NR4A3: variants seen among roughly 807,000 people sequenced by gnomAD.
The protein encoded by NR4A3 is nuclear receptor subfamily 4 group A member 3, also known as chondrosarcoma, extraskeletal myxoid, fused to EWS.
A neutral mutation model predicts 55.6 loss-of-function variants in NR4A3; 13 were observed. The observed-to-expected ratio is 0.23, with a 90% CI of 0.15 to 0.37. NR4A3 has a LOEUF of 0.37. Ranked by LOEUF, NR4A3 falls within the 10% of genes least tolerant of loss-of-function variation. NR4A3 has a pLI of 1.00. For synonymous variants in NR4A3, 342 were observed against 357.9 expected (o/e 0.96, Z 0.50); for missense variants, 646 against 822.8 (o/e 0.79, Z 2.63).
intron 2 of NR4A3, among the ~76,000 whole-genome samples, chr9:99,827,463 T>C (rs1526267): frequency 0.75 from 113,676 of 152,024 alleles, 43,398 homozygotes; most frequent in African/African-American, 0.85. Context: ...AGAGTGGGGA[T>C]GAGGTGGGAG....
chr9:99,847,957 A>G (rs1296215608), intron 7 of NR4A3, among the ~76,000 whole-genome samples: 1 of 152,136 alleles, frequency 6.6e-6, no homozygotes, highest in Admixed American at 6.5e-5. Flanking sequence ...CAGGCTAGAG[A>G]GCAGTGGTGT....
chr9:99,834,762 T>C, intron 5 of NR4A3: 1 of 984,164 alleles, frequency 1.0e-6, no homozygotes, highest in Non-Finnish European at 1.2e-6. Flanking sequence ...CCCACCCTCA[T>C]TATAGGCTGC....
chr9:99,833,337 G>T lies in NR4A3; in HGVS notation c.1137G>T (p.Lys379Asn). ...GAGGTCGTCTGCCTTCCAAACCAAA[G>T]AGCCCATTACAACAGGAACCTTCTC... ...GRRGRLPSKP[K>N]SPLQQEPSQP... is the part of the protein sequence containing the mutation. The change falls in exon 5 of 8, where the codon AAG becomes AAT. Residue 379 changes from lysine to asparagine, a missense_variant. Lys to Asn is a moderately conservative substitution (Grantham distance 94). Transcript: ENST00000395097. 6.2e-7 allele frequency: 1 copy of T among 1,613,994 alleles called. No individual in the cohort carries two copies. The highest frequency in any genetic ancestry group is 8.5e-7 in the Non-Finnish European group (1 of 1,179,956).
At chr9:99,841,993 G>A (rs1335996379) in intron 5 of NR4A3, among the ~76,000 whole-genome samples, 3 of 151,718 alleles carry the variant, frequency 2.0e-5, no homozygotes, top group African/African-American at 7.3e-5. Flanking sequence ...TTTTGAGGAA[G>A]GTATCCCCAT....
chr9:99,863,847 C>G lies in NR4A3; in HGVS notation c.1861C>G (p.Leu621Val). 1.9e-6 allele frequency: 3 copies of G among 1,613,454 alleles called. No individual in the cohort carries two copies. The East Asian group carries it at 6.7e-5, about 36-fold the overall frequency. Residue 621 changes from leucine to valine, a missense_variant, in exon 8 of 8, where the codon CTG becomes GTG. Leu to Val is a conservative substitution (Grantham distance 32, BLOSUM62 1). Coordinates refer to ENST00000395097, the MANE Select transcript of NR4A3 (RefSeq NM_006981.4). ...SPPSIIDKLFLDTLPF is the reference protein window; with the variant it reads ...SPPSIIDKLFVDTLPF ...ACCTTCCATCATTGACAAGCTCTTC[C>G]TGGACACCCTACCTTTCTAATCAGG...
At chr9:99,841,318 C>A (rs1827647423) in intron 5 of NR4A3, among the ~76,000 whole-genome samples, 1 of 151,920 alleles carries the variant, frequency 6.6e-6, no homozygotes, top group South Asian at 2.1e-4. Flanking sequence ...GACTTTGCTC[C>A]CATGGTCTAT....
intron 7 of NR4A3, among the ~76,000 whole-genome samples, chr9:99,852,901 C>A (rs974377499): frequency 1.3e-5 from 2 of 152,196 alleles, no homozygotes; most frequent in African/African-American, 2.4e-5. Flanking sequence ...GTTACCCCTG[C>A]TTTTGCATCA....
chr9:99,845,134 T>G (rs952650032), intron 6 of NR4A3, among the ~76,000 whole-genome samples: 3 of 152,212 alleles, frequency 2.0e-5, no homozygotes, highest in African/African-American at 7.2e-5. Context: ...GAGGTTGGAT[T>G]TGATGATCTC....
At chr9:99,844,534 TA>T in intron 5 of NR4A3, 114 bp from the exon 6 acceptor site, 1 of 757,080 alleles carries the variant, frequency 1.3e-6, no homozygotes, top group Non-Finnish European at 2.2e-6. Context: ...TTATAAACTG[TA>T]ACACCTAAAA....
chr9:99,837,980 G>T (rs1174276481), intron 5 of NR4A3, among the ~76,000 whole-genome samples: 2 of 152,194 alleles, frequency 1.3e-5, no homozygotes, highest in African/African-American at 2.4e-5. Context: ...CCTGAGTTCT[G>T]TGAAGCATTC....
intron 7 of NR4A3, among the ~76,000 whole-genome samples, chr9:99,853,234 C>T (rs1319354417): frequency 6.6e-6 from 1 of 152,030 alleles, no homozygotes; most frequent in Admixed American, 6.6e-5. Flanking sequence ...TTACACACTT[C>T]CATGAAGAGC....
At chr9:99,841,231 GA>G (rs11374154) in intron 5 of NR4A3, among the ~76,000 whole-genome samples, 141 of 129,502 alleles carry the variant, frequency 1.1e-3, no homozygotes, top group Middle Eastern at 4.1e-3. Flanking sequence ...CTCTGTCTCC[GA>G]AAAAAAAAAA....
At chr9:99,832,542 C>A in intron 3 of NR4A3, 147 bp from the exon 4 acceptor site, 1 of 591,428 alleles carries the variant, frequency 1.7e-6, no homozygotes, top group Non-Finnish European at 2.6e-6. Flanking sequence ...AATTGTTTTT[C>A]CTGCAGGCTA....
intron 7 of NR4A3, among the ~76,000 whole-genome samples, chr9:99,849,747 G>C (rs1283881409): frequency 2.6e-5 from 4 of 152,236 alleles, no homozygotes; most frequent in Admixed American, 1.3e-4. Context: ...GTTGAGTCTA[G>C]TTAATCAACA....
At chr9:99,852,341 G>T (rs1387879633) in intron 7 of NR4A3, among the ~76,000 whole-genome samples, 1 of 152,176 alleles carries the variant, frequency 6.6e-6, no homozygotes, top group African/African-American at 2.4e-5. Flanking sequence ...AATTAAGAGT[G>T]CAGGCTATTG....
rs1828103470 is a variant in NR4A3, at chr9:99,866,656, C to G, written c.*2789C>G. 4.4e-6 allele frequency: 1 copy of G among 225,394 alleles called. No homozygotes were observed. The highest frequency in any genetic ancestry group is 1.8e-4 in the South Asian group (1 of 5,434). The allele number at this position is 225,394 out of a possible 1,614,324, so 14.0% of individuals were successfully genotyped here. On this transcript the variant is annotated 3_prime_UTR_variant, in exon 8 of 8. Transcript: ENST00000395097. ...CATGTATTAAAGCAGGTGATTCCTC[C>G]CCTTGGCGGGAGAGCTCTCTCAGTG...
rs773889333 is a variant in NR4A3, at chr9:99,833,269, C to T, written c.1082-13C>T. On this transcript the variant is annotated splice_polypyrimidine_tract_variant and intron_variant, in intron 4 of 7. Transcript: ENST00000395097. The stretch of plus-strand genomic sequence containing the variant: ...TCTTTGAAGATTGTTTTCTTTGTCT[C>T]TTTTGGCATCAGTTGTCCGTACAGA... 4.5e-6 allele frequency: 7 copies of T among 1,567,546 alleles called. No individual in the cohort carries two copies. The highest frequency in any genetic ancestry group is 6.0e-6 in the Non-Finnish European group (7 of 1,158,950).
intron 7 of NR4A3, among the ~76,000 whole-genome samples, chr9:99,857,840 G>A (rs1478337633): frequency 1.3e-5 from 2 of 152,050 alleles, no homozygotes; most frequent in East Asian, 3.8e-4. Context: ...TAATTCCAAA[G>A]CTTTGATGTG....
intron 7 of NR4A3, among the ~76,000 whole-genome samples, chr9:99,852,961 G>A (rs943815334): frequency 1.3e-5 from 2 of 152,114 alleles, no homozygotes; most frequent in African/African-American, 4.8e-5. Context: ...CAAACTTAGC[G>A]GGGCAAAATA....
Sources: allele counts gnomAD v4.1 joint callset (sites outside exome capture counted in the v4.1 genomes callset), GRCh38; gene constraint gnomAD v4.1.1; transcripts MANE v1.5; gene names NCBI Gene and HGNC (gene_info 2026-07-23, HGNC 2026-07-21).